The following IL1RAPL1 variants were observed in gnomAD, a reference collection of about 807,000 sequenced individuals.
The protein encoded by IL1RAPL1 is interleukin 1 receptor accessory protein like 1, also known as interleukin-1 receptor accessory protein-like 1.
IL1RAPL1 carries 3 observed loss-of-function variants against 48.4 expected under a neutral mutation model. The observed-to-expected ratio is 0.06, with a 90% confidence interval of 0.03 to 0.16. IL1RAPL1 has a LOEUF of 0.16. IL1RAPL1 is among the 10% of genes least tolerant of loss of function. The probability of loss-of-function intolerance (pLI) is 1.00; values close to 1 mark genes in which losing one functional copy is unlikely to be tolerated. For missense variants in IL1RAPL1, 349 were observed against 530.6 expected, an observed-to-expected ratio of 0.66 and a Z score of 3.36; for synonymous variants, 185 against 187.7, an observed-to-expected ratio of 0.99 and a Z score of 0.12.
At chrX:29,541,334 A>T (rs2147783253) in intron 5 of IL1RAPL1, among the ~76,000 whole-genome samples, 1 of 111,838 alleles carries the variant, frequency 8.9e-6, no homozygotes, top group African/African-American at 3.2e-5. Flanking sequence ...TGTTAGTGGG[A>T]ATGTAAATTA....
chrX:29,331,201 G>T lies in IL1RAPL1; in HGVS notation c.362+47984G>T, dbSNP rs779718741. Among the ~76,000 whole-genome samples the T allele has an allele frequency of 3.6e-5, 4 of 111,494 alleles. No individual in the cohort carries two copies. In the East Asian group the frequency reaches 1.1e-3, roughly 31 times the overall value. On this transcript the variant is annotated intron_variant, in intron 3 of 10. Transcript: ENST00000378993. The stretch of plus-strand genomic sequence containing the variant: ...AAAAAATAATAATTTTGATGAGACA[G>T]GCATAAAATGGGACTGTTCTGAGCA...
chrX:29,020,246 C>T (rs957034325), intron 2 of IL1RAPL1, among the ~76,000 whole-genome samples: 1 of 112,199 alleles, frequency 8.9e-6, no homozygotes, highest in East Asian at 2.8e-4. Flanking sequence ...AAGACAAAAA[C>T]AGGTATGTCC....
intron 6 of IL1RAPL1, among the ~76,000 whole-genome samples, chrX:29,741,508 A>C (rs756210962): frequency 1.2e-4 from 13 of 111,499 alleles, no homozygotes; most frequent in Non-Finnish European, 2.3e-4. Context: ...TACGAGAGTA[A>C]AGCAGAGACC....
At chrX:29,662,119 C>T (rs1925863395) in intron 5 of IL1RAPL1, among the ~76,000 whole-genome samples, 1 of 111,967 alleles carries the variant, frequency 8.9e-6, no homozygotes, top group African/African-American at 3.3e-5. Flanking sequence ...CTACAAGGCC[C>T]TTCCTGCATT....
chrX:29,300,630 C>G (rs1487032650), intron 3 of IL1RAPL1, among the ~76,000 whole-genome samples: 1 of 111,932 alleles, frequency 8.9e-6, no homozygotes, highest in Non-Finnish European at 1.9e-5. Context: ...ATTAAGGAAA[C>G]CAATACTGTG....
At position 29,647,900 on chromosome X, in the gene IL1RAPL1, TA is replaced by T. The variant is rs758402568; in HGVS notation, c.704-20523del. ...ACAAGACTCTTCTATATGGTACCTA[TA>T]AAAAAATTCACTTTACTGGTAAGGA... On this transcript the variant is annotated intron_variant, in intron 5 of 10. Coordinates refer to ENST00000378993, the MANE Select transcript of IL1RAPL1 (RefSeq NM_014271.4). 2.4e-3 allele frequency among the ~76,000 whole-genome samples: 264 copies of T among 111,440 alleles called. 1 individual carries two copies. Among genetic ancestry groups the T allele is most frequent in the African/African-American group, 8.0e-3 (246 of 30,764 alleles).
chrX:29,188,837 G>A (rs998166653), intron 2 of IL1RAPL1, among the ~76,000 whole-genome samples: 22 of 110,680 alleles, frequency 2.0e-4, no homozygotes, highest in South Asian at 3.8e-4. Context: ...TACCAGCTTC[G>A]GCCTCAATGT....
intron 2 of IL1RAPL1, among the ~76,000 whole-genome samples, chrX:28,978,627 A>G (rs1473713408): frequency 8.9e-6 from 1 of 111,757 alleles, no homozygotes; most frequent in Non-Finnish European, 1.9e-5. Flanking sequence ...GAGTCATACT[A>G]GGAGCCAACT....
At chrX:28,729,407 G>C (rs755433954) in intron 1 of IL1RAPL1, among the ~76,000 whole-genome samples, 42 of 111,137 alleles carry the variant, frequency 3.8e-4, no homozygotes, top group South Asian at 7.5e-4. Context: ...GAGCATAAAA[G>C]TATCCAGAGG....
At chrX:29,288,778 C>A (rs1298495387) in intron 3 of IL1RAPL1, among the ~76,000 whole-genome samples, 1 of 112,202 alleles carries the variant, frequency 8.9e-6, no homozygotes, top group Non-Finnish European at 1.9e-5. Flanking sequence ...TTCCTACCCA[C>A]AGTGTAAAAG....
At chrX:29,951,978 C>A (rs998382609) in intron 9 of IL1RAPL1, among the ~76,000 whole-genome samples, 2 of 111,301 alleles carry the variant, frequency 1.8e-5, no homozygotes, top group East Asian at 5.6e-4. Context: ...TGAAGTGGAC[C>A]GCAGAAAACA....
chrX:29,411,881 C>T (rs916860321), intron 5 of IL1RAPL1, among the ~76,000 whole-genome samples: 7 of 111,128 alleles, frequency 6.3e-5, no homozygotes, highest in Admixed American at 1.9e-4. Context: ...TTTATTTGCA[C>T]TCTACTGCTT....
chrX:28,750,860 A>G (rs1936034844), intron 1 of IL1RAPL1, among the ~76,000 whole-genome samples: 1 of 112,283 alleles, frequency 8.9e-6, no homozygotes, highest in South Asian at 3.6e-4. Context: ...GAAGTGAGCC[A>G]AAAATGTTTG....
chrX:28,998,816 G>A (rs1925780711), intron 2 of IL1RAPL1, among the ~76,000 whole-genome samples: 1 of 112,036 alleles, frequency 8.9e-6, no homozygotes, highest in Non-Finnish European at 1.9e-5. Flanking sequence ...GAGATTTATG[G>A]TGTGGAGGAC....
chrX:29,283,050 C>A lies in IL1RAPL1; in HGVS notation c.195C>A (p.Ser65=). Residue 65 remains serine (S), a synonymous_variant, in exon 3 of 11, where the codon TCC becomes TCA. Coordinates refer to ENST00000378993, the MANE Select transcript of IL1RAPL1 (RefSeq NM_014271.4). ...ATGGTTATATCAGAACAAATTACTC[C>A]CTTGCCCAAAGTGCTGGACTCAGTT... is the stretch of plus-strand genomic sequence containing the variant. ...LFYGYIRTNY[S]LAQSAGLSLM... 1 of 1,211,409 alleles carries A rather than the reference C, an allele frequency of 8.3e-7. No individual in the cohort carries two copies. Among genetic ancestry groups the A allele is most frequent in the Non-Finnish European group, 1.1e-6 (1 of 895,362 alleles).
At chrX:29,311,992 G>A (rs754395297) in intron 3 of IL1RAPL1, among the ~76,000 whole-genome samples, 1 of 111,904 alleles carries the variant, frequency 8.9e-6, no homozygotes, top group African/African-American at 3.3e-5. Context: ...TAATGGGACA[G>A]GCAGATTAAT....
At chrX:29,324,191 A>G (rs1434359363) in intron 3 of IL1RAPL1, among the ~76,000 whole-genome samples, 2 of 111,171 alleles carry the variant, frequency 1.8e-5, no homozygotes, top group Non-Finnish European at 3.8e-5. Flanking sequence ...GACTTATCTC[A>G]TGTAGGAATG....
chrX:29,866,670 G>A (rs1367643242), intron 6 of IL1RAPL1, among the ~76,000 whole-genome samples: 5 of 105,854 alleles, frequency 4.7e-5, no homozygotes, highest in South Asian at 8.8e-4. Context: ...CACCTATCTC[G>A]TGTGCATATT....
intron 2 of IL1RAPL1, among the ~76,000 whole-genome samples, chrX:28,840,930 G>A (rs1237874508): frequency 1.8e-5 from 2 of 110,925 alleles, no homozygotes; most frequent in African/African-American, 6.5e-5. Context: ...TTTATATGTG[G>A]TCTTGTAAAA....
Sources: gnomAD v4.1 joint callset for allele counts (sites outside exome capture counted in the v4.1 genomes callset) on GRCh38, gnomAD v4.1.1 for gene constraint, MANE v1.5 for transcripts, NCBI Gene and HGNC (gene_info 2026-07-23, HGNC 2026-07-21) for gene names.